Variants in MAML3 observed in about 807,000 individuals in gnomAD.
MAML3 encodes mastermind like transcriptional coactivator 3, also known as mastermind-like protein 3.
A neutral mutation model predicts 101.9 loss-of-function variants in MAML3; 27 were observed. That is an observed-to-expected ratio of 0.27 (90% CI 0.20 to 0.37). The LOEUF (loss-of-function observed/expected upper bound fraction) is 0.37, where lower values mean the gene tolerates loss of function less well. Ranked by LOEUF, MAML3 falls within the 10% of genes least tolerant of loss-of-function variation. The probability of loss-of-function intolerance (pLI) is 1.00; values close to 1 mark genes in which losing one functional copy is unlikely to be tolerated. For synonymous variants in MAML3, 501 were observed against 555.9 expected, an observed-to-expected ratio of 0.90 and a Z score of 1.39; for missense variants, 1,316 against 1,444.9, an observed-to-expected ratio of 0.91 and a Z score of 1.45.
At chr4:139,950,813 C>T (rs1733819463) in intron 1 of MAML3, among the ~76,000 whole-genome samples, 1 of 152,176 alleles carries the variant, frequency 6.6e-6, no homozygotes, top group Non-Finnish European at 1.5e-5. Flanking sequence ...AGTCCTCCAG[C>T]CAAGCTCTGC....
intron 1 of MAML3, among the ~76,000 whole-genome samples, chr4:139,891,355 T>C (rs1160628142): frequency 6.6e-6 from 1 of 152,252 alleles, no homozygotes; most frequent in African/African-American, 2.4e-5. Context: ...CTTGGTTCAC[T>C]GAGACCTTCA....
intron 1 of MAML3, among the ~76,000 whole-genome samples, chr4:140,112,067 C>T (rs1728447102): frequency 6.6e-6 from 1 of 152,106 alleles, no homozygotes; most frequent in African/African-American, 2.4e-5. Context: ...CTTTTTTATA[C>T]TTATTAGTTG....
chr4:139,812,179 C>T (rs1014315919), intron 2 of MAML3, among the ~76,000 whole-genome samples: 1 of 152,124 alleles, frequency 6.6e-6, no homozygotes, highest in African/African-American at 2.4e-5. Context: ...CACTTGAGCC[C>T]AGGTCAAAGC....
chr4:140,052,055 ACCT>A (rs1727277678), intron 1 of MAML3, among the ~76,000 whole-genome samples: 2 of 152,276 alleles, frequency 1.3e-5, no homozygotes, highest in East Asian at 3.9e-4. Context: ...TTACTTTGTG[ACCT>A]CATTTATCAG....
At chr4:140,147,458 C>A (rs775268752) in intron 1 of MAML3, among the ~76,000 whole-genome samples, 13 of 152,132 alleles carry the variant, frequency 8.5e-5, no homozygotes, top group Non-Finnish European at 1.6e-4. Flanking sequence ...TGCTTCTTCC[C>A]ACTCTTTGAT....
chr4:140,083,166 A>T (rs1727891037), intron 1 of MAML3, among the ~76,000 whole-genome samples: 1 of 152,234 alleles, frequency 6.6e-6, no homozygotes, highest in Admixed American at 6.5e-5. Context: ...GTAAGTAAAG[A>T]ACCGCAAATA....
chr4:139,988,658 G>A (rs916867910), intron 1 of MAML3, among the ~76,000 whole-genome samples: 1 of 152,182 alleles, frequency 6.6e-6, no homozygotes, highest in African/African-American at 2.4e-5. Context: ...GCAAAAGAGG[G>A]CATTTAAGAG....
chr4:139,800,061 A>G (rs1730577279), intron 2 of MAML3, among the ~76,000 whole-genome samples: 1 of 152,226 alleles, frequency 6.6e-6, no homozygotes, highest in African/African-American at 2.4e-5. Context: ...ACTAAAGAAT[A>G]TATAAATATA....
At chr4:139,858,156 A>G (rs1398457114) in intron 2 of MAML3, among the ~76,000 whole-genome samples, 2 of 152,204 alleles carry the variant, frequency 1.3e-5, no homozygotes, top group East Asian at 1.9e-4. Flanking sequence ...CATTATTCCT[A>G]TTTTGCACCC....
intron 1 of MAML3, among the ~76,000 whole-genome samples, chr4:139,999,326 C>T (rs1734878677): frequency 6.6e-6 from 1 of 152,184 alleles, no homozygotes; most frequent in Non-Finnish European, 1.5e-5. Context: ...CAGCAGCAAC[C>T]TGCCTGTCCT....
intron 2 of MAML3, among the ~76,000 whole-genome samples, chr4:139,786,636 C>A (rs967260705): frequency 6.6e-6 from 1 of 152,194 alleles, no homozygotes; most frequent in Non-Finnish European, 1.5e-5. Context: ...TTGAGCCAAT[C>A]AATCAGTTCT....
At chr4:140,030,776 C>T (rs568664566) in intron 1 of MAML3, among the ~76,000 whole-genome samples, 18 of 152,318 alleles carry the variant, frequency 1.2e-4, no homozygotes, top group Middle Eastern at 3.4e-3. Context: ...GAGGCTACCT[C>T]CCGCCACTGG....
At chr4:140,151,193 G>A (rs924832937) in intron 1 of MAML3, among the ~76,000 whole-genome samples, 1 of 151,716 alleles carries the variant, frequency 6.6e-6, no homozygotes, top group Non-Finnish European at 1.5e-5. Context: ...AGTGGCTGGA[G>A]GAGGAGGAAG....
At chr4:139,765,717 G>A (rs948171523) in intron 2 of MAML3, among the ~76,000 whole-genome samples, 3 of 152,174 alleles carry the variant, frequency 2.0e-5, no homozygotes, top group African/African-American at 7.2e-5. Context: ...GCCAGGTGTG[G>A]TGGCTCATGC....
intron 2 of MAML3, among the ~76,000 whole-genome samples, chr4:139,874,567 C>T (rs1448424390): frequency 1.3e-5 from 2 of 152,046 alleles, no homozygotes; most frequent in Non-Finnish European, 2.9e-5. Context: ...CTAGACACCA[C>T]AGGCACATAA....
intron 1 of MAML3, among the ~76,000 whole-genome samples, chr4:139,942,553 T>G (rs1733628063): frequency 6.6e-6 from 1 of 152,162 alleles, no homozygotes; most frequent in Non-Finnish European, 1.5e-5. Flanking sequence ...CGGCCCCCTT[T>G]GTTTTAGGCT....
intron 1 of MAML3, among the ~76,000 whole-genome samples, chr4:139,898,802 A>G (rs1424131641): frequency 2.0e-5 from 3 of 152,224 alleles, no homozygotes; most frequent in Non-Finnish European, 4.4e-5. Context: ...TGACCTGCTT[A>G]TGTAATGAAT....
chr4:139,738,838 G>C (rs112443202), intron 2 of MAML3, among the ~76,000 whole-genome samples: 3 of 152,210 alleles, frequency 2.0e-5, no homozygotes, highest in African/African-American at 4.8e-5. Flanking sequence ...TTTCCTCCTA[G>C]TTTTATCCCA....
intron 1 of MAML3, among the ~76,000 whole-genome samples, chr4:140,042,598 CA>C (rs1727104664): frequency 6.6e-6 from 1 of 151,802 alleles, no homozygotes; most frequent in Non-Finnish European, 1.5e-5. Context: ...CACGCCACTG[CA>C]CTCCAGCCTG....
Sources: allele counts gnomAD v4.1 joint callset (sites outside exome capture counted in the v4.1 genomes callset), GRCh38; gene constraint gnomAD v4.1.1; transcripts MANE v1.5; gene names NCBI Gene and HGNC (gene_info 2026-07-23, HGNC 2026-07-21).